COA1: variants seen among roughly 807,000 people sequenced by gnomAD.
COA1 encodes cytochrome c oxidase assembly factor 1 homolog.
Under a neutral mutation model 16.0 loss-of-function variants are expected in COA1, and 13 were observed. That is an observed-to-expected ratio of 0.81 (90% confidence interval 0.53 to 1.29). The LOEUF (loss-of-function observed/expected upper bound fraction) is 1.29. COA1 is among the 50% of genes most tolerant of loss of function. The pLI, the probability that COA1 is intolerant of heterozygous loss-of-function variation, is 0.00. For synonymous variants in COA1, 65 were observed against 65.7 expected (o/e 0.99, Z 0.05); for missense variants, 179 against 177.0 (o/e 1.01, Z -0.06).
intron 2 of COA1, chr7:43,648,255 G>T (rs1406971381): frequency 2.5e-6 from 1 of 403,546 alleles, no homozygotes; most frequent in East Asian, 4.2e-5. Context: ...TCTGGGAAAA[G>T]TCATTTAGTT....
At chr7:43,697,466 G>A (rs753890928) in intron 1 of COA1, among the ~76,000 whole-genome samples, 5 of 151,888 alleles carry the variant, frequency 3.3e-5, no homozygotes, top group Non-Finnish European at 5.9e-5. Context: ...GCTAATTTTT[G>A]TATTAGACAG....
chr7:43,637,050 C>A (rs549430029), downstream of COA1, among the ~76,000 whole-genome samples: 5 of 152,332 alleles, frequency 3.3e-5, no homozygotes, highest in Admixed American at 3.3e-4. Flanking sequence ...CGCTCTGGGG[C>A]CTTTCTTCAT....
At chr7:43,683,335 A>C (rs2093856878) in intron 1 of COA1, among the ~76,000 whole-genome samples, 1 of 152,158 alleles carries the variant, frequency 6.6e-6, no homozygotes, top group Admixed American at 6.6e-5. Context: ...TATGCTCCCA[A>C]AAACATTTAG....
chr7:43,658,611 T>G (rs957608901), intron 1 of COA1: 12 of 152,150 alleles, frequency 7.9e-5, no homozygotes, highest in Non-Finnish European at 1.6e-4. Context: ...CACTCCTACC[T>G]CTCGCCAGTG....
chr7:43,647,709 C>T (rs1326542664), intron 2 of COA1, 75 bp from the exon 3 acceptor site: 3 of 1,126,714 alleles, frequency 2.7e-6, no homozygotes, highest in Non-Finnish European at 3.9e-6. Flanking sequence ...GCTTGGACCC[C>T]TAAAGGAAAG....
At chr7:43,655,332 T>C (rs1373669008) in intron 1 of COA1, among the ~76,000 whole-genome samples, 1 of 152,066 alleles carries the variant, frequency 6.6e-6, no homozygotes, top group Non-Finnish European at 1.5e-5. Context: ...AGACATACAA[T>C]ATTTAAATTT....
chr7:43,686,259 T>C (rs1482887868), intron 1 of COA1, among the ~76,000 whole-genome samples: 1 of 151,960 alleles, frequency 6.6e-6, no homozygotes, highest in Non-Finnish European at 1.5e-5. Context: ...CTTAAGTAAA[T>C]TTTTCTGGAG....
At chr7:43,628,860 G>A (rs1162385244) in intron 6 of COA1, among the ~76,000 whole-genome samples, 1 of 152,184 alleles carries the variant, frequency 6.6e-6, no homozygotes, top group Non-Finnish European at 1.5e-5. Context: ...GAAGGGTTTA[G>A]TTTTGGTGAA....
intron 1 of COA1, among the ~76,000 whole-genome samples, chr7:43,700,591 C>CGTGTGTGT (rs58589217): frequency 0.34 from 49,551 of 144,498 alleles, 8,996 homozygotes; most frequent in South Asian, 0.48. Flanking sequence ...TGTATATATA[C>CGTGTGTGT]GTGTGTGTGT....
At chr7:43,654,680 A>G (rs1229233181) in intron 1 of COA1, among the ~76,000 whole-genome samples, 1 of 152,256 alleles carries the variant, frequency 6.6e-6, no homozygotes, top group Non-Finnish European at 1.5e-5. Context: ...TGTTCAACAG[A>G]TCATTGCTTC....
intron 4 of COA1, chr7:43,642,097 A>C (rs1238124379): frequency 6.6e-6 from 1 of 152,240 alleles, no homozygotes. Flanking sequence ...GGAAGGCACA[A>C]GATTTGGAAC....
At chr7:43,619,236 A>G (rs935953059) in intron 6 of COA1, among the ~76,000 whole-genome samples, 2 of 152,210 alleles carry the variant, frequency 1.3e-5, no homozygotes, top group African/African-American at 2.4e-5. Flanking sequence ...TGAGAAAACA[A>G]TACCAATTGT....
At chr7:43,673,904 A>G (rs1367832205) in intron 1 of COA1, among the ~76,000 whole-genome samples, 1 of 152,236 alleles carries the variant, frequency 6.6e-6, no homozygotes, top group African/African-American at 2.4e-5. Context: ...CAGGAAACCA[A>G]ATACCACAGG....
At chr7:43,697,870 C>T (rs1354302510) in intron 1 of COA1, among the ~76,000 whole-genome samples, 2 of 152,196 alleles carry the variant, frequency 1.3e-5, no homozygotes, top group Non-Finnish European at 2.9e-5. Flanking sequence ...CTGAAGCAGA[C>T]ACACCACAGC....
chr7:43,635,930 G>A (rs1260393221), downstream of COA1, among the ~76,000 whole-genome samples: 2 of 152,032 alleles, frequency 1.3e-5, no homozygotes, highest in South Asian at 2.1e-4. Context: ...TTTCTGCCTT[G>A]GCGGCTTATT....
intron 6 of COA1, among the ~76,000 whole-genome samples, chr7:43,611,252 G>A (rs10228076): frequency 0.013 from 1,959 of 152,230 alleles, 42 homozygotes; most frequent in African/African-American, 0.045. Flanking sequence ...AAATTTACTC[G>A]TTTCCTACAG....
At chr7:43,611,617 C>T (rs1454428382) in intron 6 of COA1, among the ~76,000 whole-genome samples, 1 of 152,112 alleles carries the variant, frequency 6.6e-6, no homozygotes, top group Non-Finnish European at 1.5e-5. Flanking sequence ...TTGCTTCCCT[C>T]GGGAACATTT....
intron 6 of COA1, among the ~76,000 whole-genome samples, chr7:43,611,454 A>G (rs1168714549): frequency 6.6e-6 from 1 of 152,206 alleles, no homozygotes; most frequent in Non-Finnish European, 1.5e-5. Context: ...AAGTATGGAC[A>G]TGTGCACACC....
chr7:43,670,347 G>A (rs539692739), intron 1 of COA1, among the ~76,000 whole-genome samples: 4 of 152,148 alleles, frequency 2.6e-5, no homozygotes, highest in South Asian at 4.2e-4. Flanking sequence ...CAGCTATTTG[G>A]GAGACTAAGG....
Sources: allele counts gnomAD v4.1 joint callset (sites outside exome capture counted in the v4.1 genomes callset), GRCh38; gene constraint gnomAD v4.1.1; transcripts MANE v1.5; gene names NCBI Gene and HGNC (gene_info 2026-07-23, HGNC 2026-07-21).